Variants in XPR1 observed in about 807,000 individuals in gnomAD.
XPR1 encodes the protein solute carrier family 53 member 1.
Under a neutral mutation model 87.5 loss-of-function variants are expected in XPR1, and 28 were observed. That is an observed-to-expected ratio of 0.32 (90% CI 0.24 to 0.44). XPR1 has a LOEUF of 0.44. Among genes scored for constraint, XPR1 ranks in the 20% least tolerant of loss-of-function variants. The pLI is 1.00. For synonymous variants in XPR1, 300 were observed against 306.1 expected (o/e 0.98, Z 0.21); for missense variants, 559 against 862.3 (o/e 0.65, Z 4.41).
At chr1:180,661,440 G>A (rs1655773105) in intron 1 of XPR1, among the ~76,000 whole-genome samples, 1 of 149,922 alleles carries the variant, frequency 6.7e-6, no homozygotes, top group African/African-American at 2.5e-5. Flanking sequence ...TCTTTTTAGT[G>A]AAGGTGATTT....
chr1:180,850,388 G>C (rs562805169), intron 11 of XPR1, among the ~76,000 whole-genome samples: 1 of 152,128 alleles, frequency 6.6e-6, no homozygotes, highest in African/African-American at 2.4e-5. Context: ...TTTTAGGTTT[G>C]TTAACTAACC....
chr1:180,740,925 GTC>G (rs1488938551), intron 2 of XPR1, among the ~76,000 whole-genome samples: 1 of 152,150 alleles, frequency 6.6e-6, no homozygotes. Flanking sequence ...GAAGCTTCCT[GTC>G]TCTTTTATAA....
At chr1:180,695,153 G>C (rs1289516584) in intron 2 of XPR1, among the ~76,000 whole-genome samples, 2 of 152,028 alleles carry the variant, frequency 1.3e-5, no homozygotes, top group Non-Finnish European at 2.9e-5. Flanking sequence ...TAGTGATATT[G>C]AGCACTTTTT....
At chr1:180,787,296 T>G (rs12069169) in intron 2 of XPR1, among the ~76,000 whole-genome samples, 1 of 146,652 alleles carries the variant, frequency 6.8e-6, no homozygotes, top group African/African-American at 2.7e-5. Context: ...GTTTTTTTTT[T>G]GTTTTTTTTG....
At chr1:180,646,040 A>T (rs80151318) in intron 1 of XPR1, among the ~76,000 whole-genome samples, 3,148 of 152,362 alleles carry the variant, frequency 0.021, 46 homozygotes, top group African/African-American at 0.024. Flanking sequence ...GAAAACATGT[A>T]ACACAAAAAC....
At chr1:180,757,869 T>TAAAAAAAAAAAAAAAAA (rs35162664) in intron 2 of XPR1, among the ~76,000 whole-genome samples, 1 of 40,070 alleles carries the variant, frequency 2.5e-5, no homozygotes, top group Non-Finnish European at 4.2e-5. Context: ...GTTGAAAATG[T>TAAAAAAAAAAAAAAAAA]AAAAAAAAAA....
At chr1:180,754,758 G>A (rs572924047) in intron 2 of XPR1, among the ~76,000 whole-genome samples, 6 of 152,042 alleles carry the variant, frequency 3.9e-5, no homozygotes, top group Admixed American at 2.6e-4. Flanking sequence ...CATCGGGCCC[G>A]GCCTCCTTTC....
intron 11 of XPR1, among the ~76,000 whole-genome samples, chr1:180,846,584 C>T (rs937136829): frequency 6.6e-6 from 1 of 151,460 alleles, no homozygotes; most frequent in African/African-American, 2.4e-5. Flanking sequence ...TGGGATTACA[C>T]ACGCCCACCA....
intron 2 of XPR1, among the ~76,000 whole-genome samples, chr1:180,688,375 C>T (rs1483208663): frequency 6.6e-6 from 1 of 151,886 alleles, no homozygotes; most frequent in Non-Finnish European, 1.5e-5. Context: ...AGGTGTGAGC[C>T]ACTGCGCCCA....
intron 1 of XPR1, among the ~76,000 whole-genome samples, chr1:180,657,695 C>T (rs1359985168): frequency 6.6e-6 from 1 of 152,072 alleles, no homozygotes; most frequent in African/African-American, 2.4e-5. Context: ...CACTATAGCT[C>T]TGTAGTATAA....
chr1:180,812,435 C>G (rs1332570052), intron 7 of XPR1, among the ~76,000 whole-genome samples: 1 of 152,132 alleles, frequency 6.6e-6, no homozygotes, highest in Non-Finnish European at 1.5e-5. Flanking sequence ...CTTACACAGA[C>G]AAAAGATACC....
intron 9 of XPR1, among the ~76,000 whole-genome samples, chr1:180,833,894 A>G (rs530093435): frequency 2.3e-4 from 35 of 152,330 alleles, no homozygotes; most frequent in African/African-American, 8.2e-4. Flanking sequence ...TCAGTTCTTT[A>G]TGATCAAAGA....
intron 2 of XPR1, among the ~76,000 whole-genome samples, chr1:180,772,085 C>G (rs996442131): frequency 2.6e-5 from 4 of 151,028 alleles, no homozygotes; most frequent in African/African-American, 9.9e-5. Context: ...TGTTCTTTCT[C>G]ACACATTTAT....
intron 9 of XPR1, among the ~76,000 whole-genome samples, chr1:180,833,408 T>C (rs1300847553): frequency 1.3e-5 from 2 of 151,984 alleles, no homozygotes; most frequent in Admixed American, 6.5e-5. Flanking sequence ...TCAAGACCCA[T>C]TGGTGTGCTG....
chr1:180,715,112 C>T (rs1657943009), intron 2 of XPR1, among the ~76,000 whole-genome samples: 1 of 152,126 alleles, frequency 6.6e-6, no homozygotes, highest in Admixed American at 6.5e-5. Context: ...CAGTAGCATC[C>T]AAAGTGCCTG....
chr1:180,813,088 T>C (rs578131618), intron 7 of XPR1, among the ~76,000 whole-genome samples: 2 of 147,884 alleles, frequency 1.4e-5, no homozygotes, highest in Non-Finnish European at 3.0e-5. Context: ...TATTCAAAAT[T>C]CATTCATGGC....
chr1:180,834,637 A>G (rs1399980391), intron 9 of XPR1, among the ~76,000 whole-genome samples: 1 of 152,172 alleles, frequency 6.6e-6, no homozygotes. Flanking sequence ...TTTTCTAACT[A>G]TAGTTATTCC....
At chr1:180,767,932 C>T (rs1408010229) in intron 2 of XPR1, among the ~76,000 whole-genome samples, 1 of 151,990 alleles carries the variant, frequency 6.6e-6, no homozygotes, top group Non-Finnish European at 1.5e-5. Context: ...GCAAGCTCCA[C>T]CTCCCGGGTT....
chr1:180,795,180 T>C (rs1466282317), intron 3 of XPR1, among the ~76,000 whole-genome samples: 2 of 152,204 alleles, frequency 1.3e-5, no homozygotes, highest in Non-Finnish European at 2.9e-5. Flanking sequence ...GAAAGAGTTA[T>C]TCTTCAATTG....
Sources: gnomAD v4.1 joint callset for allele counts (sites outside exome capture counted in the v4.1 genomes callset) on GRCh38, gnomAD v4.1.1 for gene constraint, MANE v1.5 for transcripts, NCBI Gene and HGNC (gene_info 2026-07-23, HGNC 2026-07-21) for gene names.